Variants in HDHD2 observed in about 807,000 individuals in gnomAD.
HDHD2 encodes haloacid dehalogenase like hydrolase domain containing 2.
A neutral mutation model predicts 24.8 loss-of-function variants in HDHD2; 26 were observed. That is an observed-to-expected ratio of 1.05 (90% CI 0.77 to 1.45). The LOEUF is 1.45. Among genes scored for constraint, HDHD2 ranks in the 40% most tolerant of loss-of-function variants. The pLI, the probability that HDHD2 is intolerant of heterozygous loss-of-function variation, is 0.00. For missense variants in HDHD2, 299 were observed against 313.4 expected (o/e 0.95, Z 0.35); for synonymous variants, 128 against 114.9 (o/e 1.11, Z -0.73).
intron 6 of HDHD2, chr18:47,111,379 AAAAG>A (rs556650518): frequency 2.7e-4 from 259 of 973,962 alleles, no homozygotes; most frequent in Middle Eastern, 1.6e-3. Context: ...AAAAAAAAAA[AAAAG>A]AAAGAAAGAA....
intron 4 of HDHD2, among the ~76,000 whole-genome samples, chr18:47,122,011 A>G (rs2063611945): frequency 6.6e-6 from 1 of 151,882 alleles, no homozygotes; most frequent in Non-Finnish European, 1.5e-5. Flanking sequence ...CCTTCATATC[A>G]CTTGGCATGA....
intron 5 of HDHD2, 25 bp from the exon 6 acceptor site, chr18:47,113,065 T>C: frequency 6.2e-7 from 1 of 1,606,056 alleles, no homozygotes; most frequent in Non-Finnish European, 8.5e-7. Flanking sequence ...AGAAAGCATT[T>C]AGTCCAGTGT....
At chr18:47,143,998 T>C (rs775293295) in intron 1 of HDHD2, among the ~76,000 whole-genome samples, 3 of 152,036 alleles carry the variant, frequency 2.0e-5, no homozygotes, top group Non-Finnish European at 4.4e-5. Context: ...GCTTCCATAA[T>C]ATAGCAGGCT....
intron 6 of HDHD2, chr18:47,110,453 T>G (rs2063506663): frequency 1.0e-6 from 1 of 985,068 alleles, no homozygotes; most frequent in South Asian, 4.7e-5. Context: ...ATCTTACAGG[T>G]AAGTTAATGA....
At chr18:47,139,327 G>A (rs987098719) in intron 1 of HDHD2, among the ~76,000 whole-genome samples, 10 of 151,324 alleles carry the variant, frequency 6.6e-5, no homozygotes, top group African/African-American at 1.7e-4. Context: ...TTAGCTGGGC[G>A]TGGTGGCGGC....
chr18:47,135,057 G>GC (rs2063751290), intron 2 of HDHD2, among the ~76,000 whole-genome samples: 1 of 151,978 alleles, frequency 6.6e-6, no homozygotes, highest in Non-Finnish European at 1.5e-5. Flanking sequence ...TAAACAACAT[G>GC]TTGTCCACTG....
At chr18:47,114,450 T>C (rs1211793837) in intron 5 of HDHD2, among the ~76,000 whole-genome samples, 1 of 152,220 alleles carries the variant, frequency 6.6e-6, no homozygotes, top group Non-Finnish European at 1.5e-5. Context: ...TGACATGTTA[T>C]TATTTAAAAA....
At chr18:47,121,119 A>T (rs957402979) in intron 4 of HDHD2, among the ~76,000 whole-genome samples, 1 of 152,032 alleles carries the variant, frequency 6.6e-6, no homozygotes, top group African/African-American at 2.4e-5. Flanking sequence ...AAAAAAAAAA[A>T]ATGCAAGTGA....
intron 1 of HDHD2, among the ~76,000 whole-genome samples, chr18:47,140,019 T>C (rs2063805468): frequency 6.6e-6 from 1 of 152,236 alleles, no homozygotes; most frequent in Non-Finnish European, 1.5e-5. Flanking sequence ...TGGAAGTAAC[T>C]GGTACAATTA....
At chr18:47,125,724 G>A (rs1362232977) in intron 4 of HDHD2, among the ~76,000 whole-genome samples, 1 of 152,124 alleles carries the variant, frequency 6.6e-6, no homozygotes, top group Non-Finnish European at 1.5e-5. Flanking sequence ...GTTATCCTGG[G>A]GAAGGAGTGG....
intron 3 of HDHD2, among the ~76,000 whole-genome samples, chr18:47,132,323 C>T (rs796158206): frequency 1.6e-4 from 24 of 152,248 alleles, no homozygotes; most frequent in African/African-American, 5.5e-4. Context: ...GAATATATCA[C>T]AGTTTATTCA....
At chr18:47,121,456 T>C (rs976458808) in intron 4 of HDHD2, among the ~76,000 whole-genome samples, 2 of 152,196 alleles carry the variant, frequency 1.3e-5, no homozygotes, top group Admixed American at 6.5e-5. Flanking sequence ...TTTCCAATTT[T>C]GAACAAAAAT....
chr18:47,108,962 A>C (rs2063494462), intron 6 of HDHD2, 177 bp from the exon 7 acceptor site: 5 of 561,320 alleles, frequency 8.9e-6, no homozygotes, highest in Non-Finnish European at 1.6e-5. Context: ...GGCAATTCAA[A>C]GAAATGTCAC....
rs2144338423 is a variant in HDHD2 at position 47,130,275 on chromosome 18, A to C, written c.364T>G (p.Phe122Val). The C allele has an allele frequency of 6.2e-7, 1 of 1,608,008 alleles. No homozygotes were observed. Among genetic ancestry groups the C allele is most frequent in the East Asian group, 2.2e-5 (1 of 44,728 alleles). The change falls in exon 4 of 7, where the codon TTT becomes GTT. Residue 122 changes from phenylalanine (F) to valine (V), a missense_variant. Coordinates refer to ENST00000300605, the MANE Select transcript of HDHD2 (RefSeq NM_032124.5). ...GCTTGATTCAGAATTTGATAATGAA[A>C]ATGTTCTGGTGCCAATCCCATGACC... Reference protein sequence around the residue: ...AVVMGLAPEHFHYQILNQAFR... With the variant: ...AVVMGLAPEHVHYQILNQAFR...
Position 47,146,217 on chromosome 18 carries a change from A to G in HDHD2, c.-11+4161T>C, listed in dbSNP as rs150334169. Among the ~76,000 whole-genome samples, 704 of 150,470 alleles carry G rather than the reference A, an allele frequency of 4.7e-3. 7 individuals carry two copies. Among genetic ancestry groups the G allele is most frequent in the African/African-American group, 0.017 (672 of 40,626 alleles). On this transcript the variant is annotated intron_variant, in intron 1 of 6. Coordinates refer to ENST00000300605, the MANE Select transcript of HDHD2 (RefSeq NM_032124.5). ...TGCACTTCAGCCTGGGCGACAGAGC[A>G]AGAATGTGTCTCAAAAAAAAAAAAA...
rs558718754 is a variant in HDHD2 at position 47,140,071 on chromosome 18, C to T, written c.-10-3622G>A. Among the ~76,000 whole-genome samples, 372 of 152,242 alleles carry T rather than the reference C, an allele frequency of 2.4e-3. 2 individuals are homozygous for T. The highest frequency in any genetic ancestry group is 4.2e-3 in the Non-Finnish European group (283 of 68,020). On this transcript the variant is annotated intron_variant, in intron 1 of 6. Transcript: ENST00000300605. ...TTCTTTCTTTTCTTCATATTTTTTA[C>T]CAATTGCTTAGTTTTACCATTTTAG...
At chr18:47,147,601 AC>A (rs1328261713) in intron 1 of HDHD2, among the ~76,000 whole-genome samples, 2 of 152,222 alleles carry the variant, frequency 1.3e-5, no homozygotes, top group Admixed American at 1.3e-4. Flanking sequence ...AAGAAACGTT[AC>A]CTCTGAAGGT....
chr18:47,114,926 A>G (rs72905456), intron 5 of HDHD2, among the ~76,000 whole-genome samples: 2 of 151,934 alleles, frequency 1.3e-5, no homozygotes, highest in Admixed American at 6.6e-5. Context: ...CGCTATGGAG[A>G]AATGTCAGAA....
Position 47,130,299 on chromosome 18 carries a change from C to T in HDHD2, c.340G>A (p.Val114Ile), listed in dbSNP as rs988452424. The change falls in exon 4 of 7, where the codon GTC (valine) becomes ATC (isoleucine). Residue 114 changes from valine (V) to isoleucine (I), a missense_variant. Physicochemically the swap from Val to Ile is conservative, Grantham distance 29 (BLOSUM62 3). Coordinates refer to ENST00000300605, the MANE Select transcript of HDHD2 (RefSeq NM_032124.5). ...GIQTSDPNAV[V>I]MGLAPEHFHY... ...AAATGTTCTGGTGCCAATCCCATGA[C>T]CACAGCATTAGGATCACTTGTTTGT... 2.5e-6 allele frequency: 4 copies of T among 1,606,734 alleles called. No homozygotes were observed. The highest frequency in any genetic ancestry group is 3.4e-6 in the Non-Finnish European group (4 of 1,175,630).
Sources: gnomAD v4.1 joint callset for allele counts (sites outside exome capture counted in the v4.1 genomes callset) on GRCh38, gnomAD v4.1.1 for gene constraint, MANE v1.5 for transcripts, NCBI Gene and HGNC (gene_info 2026-07-23, HGNC 2026-07-21) for gene names.